CRYZ: variants seen among roughly 807,000 people sequenced by gnomAD.
CRYZ encodes crystallin zeta.
A neutral mutation model predicts 34.1 loss-of-function variants in CRYZ; 35 were observed. That is an observed-to-expected ratio of 1.03 (90% confidence interval 0.78 to 1.36). The LOEUF is 1.36. CRYZ is among the 40% of genes most tolerant of loss of function. The probability of loss-of-function intolerance (pLI) is 0.00; values close to 1 mark genes in which losing one functional copy is unlikely to be tolerated. For missense variants in CRYZ, 403 were observed against 391.8 expected (o/e 1.03, Z -0.24); for synonymous variants, 137 against 136.5 (o/e 1.00, Z -0.03).
intron 1 of CRYZ, among the ~76,000 whole-genome samples, chr1:74,732,606 G>C (rs1329369366): frequency 2.5e-5 from 2 of 80,752 alleles, no homozygotes; most frequent in Non-Finnish European, 4.4e-5. Context: ...GCGGGGGGGG[G>C]GGGGGGGGGT....
chr1:74,719,450 G>T, intron 3 of CRYZ, 78 bp from the exon 4 acceptor site: 1 of 1,336,946 alleles, frequency 7.5e-7, no homozygotes, highest in South Asian at 1.4e-5. Flanking sequence ...TTTATAACAA[G>T]AAATAAGTGA....
At position 74,733,022 on chromosome 1, in the gene CRYZ, A is replaced by G. The variant is rs1427050040; in HGVS notation, c.-80T>C. On this transcript the variant is annotated 5_prime_UTR_variant, in exon 1 of 9. Coordinates refer to ENST00000340866, the MANE Select transcript of CRYZ (RefSeq NM_001889.4). ...AGATTCCACAGAAATGAGGACTGCCACACCTTCTCCAACTTTTGCAGGCTC... is the reference window on the plus strand; with the variant it reads ...AGATTCCACAGAAATGAGGACTGCCGCACCTTCTCCAACTTTTGCAGGCTC... The G allele has an allele frequency of 1.0e-5, 6 of 598,746 alleles. No individual in the cohort carries two copies. The highest frequency in any genetic ancestry group is 2.9e-6 in the Non-Finnish European group (1 of 347,240). The allele number at this position is 598,746 out of a possible 1,614,324, so 37.1% of individuals were successfully genotyped here.
intron 1 of CRYZ, among the ~76,000 whole-genome samples, chr1:74,725,582 G>A (rs1647295273): frequency 3.0e-5 from 3 of 98,988 alleles, no homozygotes; most frequent in Non-Finnish European, 5.6e-5. Flanking sequence ...TTTGGGTGGG[G>A]ACATAGCCAA....
At chr1:74,730,284 C>G (rs1251780900) in intron 1 of CRYZ, 1 of 152,204 alleles carries the variant, frequency 6.6e-6, no homozygotes, top group Middle Eastern at 3.2e-3. Context: ...CCTGACCACA[C>G]TATCTCCTAC....
intron 3 of CRYZ, 114 bp from the exon 4 acceptor site, chr1:74,719,486 G>A: frequency 2.1e-6 from 2 of 943,346 alleles, no homozygotes; most frequent in Non-Finnish European, 1.5e-6. Flanking sequence ...CCTCTATAGG[G>A]TCTCATATAA....
chr1:74,732,642 G>A (rs529619352), intron 1 of CRYZ: 1 of 141,940 alleles, frequency 7.0e-6, no homozygotes, highest in Non-Finnish European at 1.6e-5. Flanking sequence ...GGGACAGGGA[G>A]TGCGGGGGGC....
chr1:74,728,276 C>T (rs1351748587), intron 1 of CRYZ, among the ~76,000 whole-genome samples: 1 of 152,180 alleles, frequency 6.6e-6, no homozygotes, highest in East Asian at 1.9e-4. Flanking sequence ...CACAGCTAAC[C>T]TTTCTGTCCT....
chr1:74,730,788 G>A (rs1271448761), intron 1 of CRYZ, among the ~76,000 whole-genome samples: 1 of 151,990 alleles, frequency 6.6e-6, no homozygotes, highest in Non-Finnish European at 1.5e-5. Flanking sequence ...CCTTTACTTC[G>A]TAGAAATAAA....
chr1:74,715,945 TAG>T (rs1647067244), intron 4 of CRYZ, among the ~76,000 whole-genome samples: 3 of 147,714 alleles, frequency 2.0e-5, no homozygotes, highest in African/African-American at 7.6e-5. Context: ...AACAATGGAA[TAG>T]CTGGATTTTG....
chr1:74,724,768 C>G lies in CRYZ; in HGVS notation c.54G>C (p.Gly18=), dbSNP rs1051122. 5 of 1,613,306 alleles carry G rather than the reference C, an allele frequency of 3.1e-6. No homozygotes were observed. The highest frequency in any genetic ancestry group is 3.4e-6 in the Non-Finnish European group (4 of 1,179,664). ...MRAVRVFEFG[G]PEVLKLRSDI... ...CTGATCGCAATTTCAGGACTTCTGG[C>G]CCACCAAATTCAAAAACTCTAACAG... is the stretch of plus-strand genomic sequence containing the variant. The change falls in exon 2 of 9, where the codon GGG becomes GGC. Residue 18 remains glycine, a synonymous_variant. Coordinates refer to ENST00000340866, the MANE Select transcript of CRYZ (RefSeq NM_001889.4).
intron 5 of CRYZ, among the ~76,000 whole-genome samples, chr1:74,710,910 T>C (rs1280938603): frequency 6.6e-6 from 1 of 152,006 alleles, no homozygotes. Context: ...TAAGAAAAAA[T>C]AAGACTGGCT....
Position 74,710,216 on chromosome 1 carries a change from G to A in CRYZ, c.512C>T (p.Ala171Val), listed in dbSNP as rs988339837. 2 of 1,613,678 alleles carry A rather than the reference G, an allele frequency of 1.2e-6. No individual in the cohort carries two copies. Among genetic ancestry groups the A allele is most frequent in the Non-Finnish European group, 1.7e-6 (2 of 1,179,808 alleles). Residue 171 changes from alanine to valine, a missense_variant, in exon 6 of 9, where the codon GCT (alanine) becomes GTT (valine). Physicochemically the swap from Ala to Val is moderately conservative, Grantham distance 64. Coordinates refer to ENST00000340866, the MANE Select transcript of CRYZ (RefSeq NM_001889.4). The stretch of plus-strand genomic sequence containing the variant: ...AGTGCCCAAAATCTTTAAGCCATAA[G>A]CTCTAGCAATTTGGCATGCTGCTAA... ...VGLAACQIAR[A>V]YGLKILGTAG...
At chr1:74,719,124 A>G in intron 4 of CRYZ, 85 bp downstream of exon 4, 1 of 1,367,236 alleles carries the variant, frequency 7.3e-7, no homozygotes, top group South Asian at 1.3e-5. Context: ...TGATGAACAG[A>G]TGGATGGACA....
chr1:74,715,741 G>C (rs1569989151), intron 4 of CRYZ, among the ~76,000 whole-genome samples: 1 of 152,018 alleles, frequency 6.6e-6, no homozygotes, highest in Non-Finnish European at 1.5e-5. Flanking sequence ...AAACACTAAA[G>C]ACACATTCTC....
Position 74,727,533 on chromosome 1 carries a change from G to A in CRYZ, c.-13-2699C>T, listed in dbSNP as rs373852115. ...TGTAGTCCCAGCTACTCAGGAGGCT[G>A]AGGCAGGAGAATGGCGTCAACCCGG... is the stretch of plus-strand genomic sequence containing the variant. On this transcript the variant is annotated intron_variant, in intron 1 of 8. Coordinates refer to ENST00000340866, the MANE Select transcript of CRYZ (RefSeq NM_001889.4). 4.2e-4 allele frequency among the ~76,000 whole-genome samples: 62 copies of A among 148,576 alleles called. 1 individual carries two copies. The East Asian group carries it at 8.5e-3, about 20-fold the overall frequency.
intron 1 of CRYZ, among the ~76,000 whole-genome samples, chr1:74,728,288 T>C (rs570348625): frequency 1.2e-4 from 18 of 152,302 alleles, no homozygotes; most frequent in African/African-American, 4.3e-4. Flanking sequence ...TTCTGTCCTA[T>C]CACTGTTAAT....
chr1:74,723,021 C>A, intron 3 of CRYZ, 97 bp downstream of exon 3: 1 of 1,210,020 alleles, frequency 8.3e-7, no homozygotes, highest in Non-Finnish European at 1.2e-6. Flanking sequence ...TGTAATGGGG[C>A]CTTTTAAAAC....
At chr1:74,718,350 TAA>T (rs1199686265) in intron 4 of CRYZ, among the ~76,000 whole-genome samples, 1 of 152,120 alleles carries the variant, frequency 6.6e-6, no homozygotes, top group Non-Finnish European at 1.5e-5. Flanking sequence ...ACACAGCAGA[TAA>T]GTCATCTCAA....
chr1:74,710,011 G>A, intron 6 of CRYZ, 87 bp downstream of exon 6: 1 of 1,088,948 alleles, frequency 9.2e-7, no homozygotes, highest in Admixed American at 2.4e-5. Context: ...CAGCTTTAAA[G>A]GAGTAGTTGG....
Sources: gnomAD v4.1 joint callset for allele counts (sites outside exome capture counted in the v4.1 genomes callset) on GRCh38, gnomAD v4.1.1 for gene constraint, MANE v1.5 for transcripts, NCBI Gene and HGNC (gene_info 2026-07-23, HGNC 2026-07-21) for gene names.